ZNF718: variants seen among roughly 807,000 people sequenced by gnomAD.
The protein encoded by ZNF718 is zinc finger protein 718.
In ZNF718, 3 loss-of-function variants were observed where a neutral mutation model predicts 2.6. That is an observed-to-expected ratio of 1.16 (90% CI 0.53 to 3.01). ZNF718 has a LOEUF of 3.01. Among genes scored for constraint, ZNF718 ranks in the 30% most tolerant of loss-of-function variants. ZNF718 has a pLI of 0.03. For missense variants in ZNF718, 468 were observed against 230.0 expected (o/e 2.03, Z -6.69); for synonymous variants, 135 against 77.9 (o/e 1.73, Z -3.86).
At chr4:185,348 A>G in intron 3 of ZNF718, among the ~76,000 whole-genome samples, 1 of 152,140 alleles carries the variant, frequency 6.6e-6, no homozygotes, top group Middle Eastern at 3.2e-3. Flanking sequence ...TACTTTGCTT[A>G]CACTGTGATT....
chr4:134,571 A>T (rs143253937), intron 3 of ZNF718, among the ~76,000 whole-genome samples: 6 of 152,338 alleles, frequency 3.9e-5, no homozygotes, highest in Admixed American at 6.5e-5. Flanking sequence ...GTACTTTGAC[A>T]GTATTAGTTA....
intron 3 of ZNF718, among the ~76,000 whole-genome samples, chr4:157,393 G>T (rs782540519): frequency 1.5e-4 from 23 of 152,114 alleles, no homozygotes; most frequent in Middle Eastern, 3.4e-3. Flanking sequence ...GTATTAACAG[G>T]TGTGAGCCAC....
chr4:151,033 A>G (rs969479529), intron 3 of ZNF718, among the ~76,000 whole-genome samples: 5 of 152,228 alleles, frequency 3.3e-5, no homozygotes, highest in East Asian at 3.9e-4. Context: ...CTAACTTACA[A>G]TTTTACAACT....
rs75593008 is a variant in ZNF718, at chr4:180,519, C to G, written c.227-20562C>G. On this transcript the variant is annotated intron_variant and NMD_transcript_variant, in intron 3 of 4. Coordinates refer to the ZNF718 transcript ENST00000642529. ...GCAATTTCACTCTGACCAGATTAGA[C>G]TCTGGCTGGCAGTGTGGAAAAAGCC... 3.6e-3 allele frequency among the ~76,000 whole-genome samples: 551 copies of G among 152,318 alleles called. 2 individuals carry two copies. The highest frequency in any genetic ancestry group is 0.013 in the African/African-American group (523 of 41,578).
At chr4:192,881 A>C (rs542780634) in intron 3 of ZNF718, among the ~76,000 whole-genome samples, 1 of 152,262 alleles carries the variant, frequency 6.6e-6, no homozygotes, top group East Asian at 1.9e-4. Flanking sequence ...TCTTCAGCAC[A>C]CTTCACAGGC....
chr4:145,159 A>G (rs1000879984), intron 3 of ZNF718, among the ~76,000 whole-genome samples: 1 of 152,140 alleles, frequency 6.6e-6, no homozygotes, highest in Admixed American at 6.5e-5. Flanking sequence ...ATTAACATAA[A>G]TTTTGGAGGG....
chr4:171,490 A>T (rs1161338346), intron 3 of ZNF718, among the ~76,000 whole-genome samples: 1 of 152,104 alleles, frequency 6.6e-6, no homozygotes, highest in Non-Finnish European at 1.5e-5. Context: ...GGTGGGCTCC[A>T]CCGAGTTCGA....
chr4:180,476 G>T (rs1190772584), intron 3 of ZNF718, among the ~76,000 whole-genome samples: 2 of 152,188 alleles, frequency 1.3e-5, no homozygotes, highest in Non-Finnish European at 2.9e-5. Flanking sequence ...TCTCGGTCGG[G>T]TTCAGTGACA....
At chr4:159,404 A>AT (rs376006924) in intron 3 of ZNF718, among the ~76,000 whole-genome samples, 42 of 151,108 alleles carry the variant, frequency 2.8e-4, no homozygotes, top group African/African-American at 9.7e-4. Context: ...TTTTTGACAG[A>AT]TTCACTGGTT....
At chr4:134,993 C>T (rs1553809057) in intron 3 of ZNF718, among the ~76,000 whole-genome samples, 2 of 152,060 alleles carry the variant, frequency 1.3e-5, no homozygotes, top group African/African-American at 2.4e-5. Flanking sequence ...ACCGTAATCC[C>T]AGTACTTTGG....
intron 3 of ZNF718, among the ~76,000 whole-genome samples, chr4:153,738 A>G (rs1325915729): frequency 2.0e-5 from 3 of 152,206 alleles, no homozygotes; most frequent in Non-Finnish European, 4.4e-5. Flanking sequence ...ATGTAGCTCA[A>G]CACAAGAAGG....
intron 3 of ZNF718, among the ~76,000 whole-genome samples, chr4:183,331 G>T (rs1399426442): frequency 1.3e-5 from 2 of 151,980 alleles, no homozygotes; most frequent in Non-Finnish European, 2.9e-5. Flanking sequence ...CTTATTTATG[G>T]GTTCTCTATT....
At chr4:177,802 G>T (rs939002617) in intron 3 of ZNF718, among the ~76,000 whole-genome samples, 3 of 152,020 alleles carry the variant, frequency 2.0e-5, no homozygotes, top group African/African-American at 7.2e-5. Flanking sequence ...AAGCAGTTAC[G>T]GAAGACCCAC....
intron 4 of ZNF718, chr4:201,624 C>T (rs1290870239): frequency 6.1e-6 from 1 of 164,480 alleles, no homozygotes; most frequent in Non-Finnish European, 1.4e-5. Flanking sequence ...CTGTTCTCCT[C>T]TCTCTAGAAG....
chr4:147,038 T>A (rs533690743), intron 3 of ZNF718, among the ~76,000 whole-genome samples: 4 of 152,276 alleles, frequency 2.6e-5, no homozygotes, highest in African/African-American at 9.6e-5. Context: ...TGGGGTGATC[T>A]TGACTCACTG....
At chr4:146,075 T>TTA (rs1373225525) in intron 3 of ZNF718, among the ~76,000 whole-genome samples, 12 of 85,104 alleles carry the variant, frequency 1.4e-4, no homozygotes, top group Non-Finnish European at 1.9e-4. Flanking sequence ...TGATATAGCC[T>TTA]TCTATATATA....
chr4:170,834 T>C (rs534902823), intron 3 of ZNF718, among the ~76,000 whole-genome samples: 1 of 152,308 alleles, frequency 6.6e-6, no homozygotes, highest in East Asian at 1.9e-4. Flanking sequence ...TCTGAAGCCT[T>C]CTTGTCTCAA....
Position 161,343 on chromosome 4 carries a change from A to C in ZNF718, c.658A>C (p.Ile220Leu). Residue 220 changes from isoleucine to leucine, a missense_variant, in exon 4 of 4, where the codon ATT (isoleucine) becomes CTT (leucine). Transcript: ENST00000510175. The part of the protein sequence containing the change: ...WSSILTKHKR[I>L]HAREKFYKCE... ...CTCAATTCTTACTAAACATAAGAGA[A>C]TTCATGCCAGAGAGAAATTCTACAA... The C allele has an allele frequency of 1.3e-6, 1 of 779,960 alleles. No homozygotes were observed. Among genetic ancestry groups the C allele is most frequent in the Non-Finnish European group, 2.4e-6 (1 of 417,760 alleles). 48.3% of individuals were successfully genotyped at this position (779,960 alleles called of 1,614,324 possible). A position where few individuals can be genotyped will look rare whatever the true frequency, so the allele number is the denominator to read the frequency against.
chr4:164,180 G>A (rs1553816309), downstream of ZNF718, among the ~76,000 whole-genome samples: 8 of 151,746 alleles, frequency 5.3e-5, no homozygotes. Flanking sequence ...TTGGACATCT[G>A]GCATCTCTTC....
Sources: gnomAD v4.1 joint callset for allele counts (sites outside exome capture counted in the v4.1 genomes callset) on GRCh38, gnomAD v4.1.1 for gene constraint, MANE v1.5 for transcripts, NCBI Gene and HGNC (gene_info 2026-07-23, HGNC 2026-07-21) for gene names.